The following SETBP1 variants were observed in gnomAD, a reference collection of about 807,000 sequenced individuals.
The protein encoded by SETBP1 is SET-binding protein.
A neutral mutation model predicts 101.0 loss-of-function variants in SETBP1; 9 were observed. The observed-to-expected ratio is 0.09, with a 90% confidence interval of 0.05 to 0.16. The LOEUF is 0.16. Ranked by LOEUF, SETBP1 falls within the 10% of genes least tolerant of loss-of-function variation. The probability of loss-of-function intolerance (pLI) is 1.00; values close to 1 mark genes in which losing one functional copy is unlikely to be tolerated. For missense variants in SETBP1, 1,858 were observed against 2,033.8 expected, an observed-to-expected ratio of 0.91 and a Z score of 1.66; for synonymous variants, 818 against 788.5, an observed-to-expected ratio of 1.04 and a Z score of -0.63.
At position 44,861,308 on chromosome 18, in the gene SETBP1, G is replaced by A. The variant is rs147504798; in HGVS notation, c.487-7922G>A. Among the ~76,000 whole-genome samples the A allele has an allele frequency of 7.4e-3, 1,021 of 138,544 alleles. 12 individuals are homozygous for A. The highest frequency in any genetic ancestry group is 0.025 in the African/African-American group (937 of 37,092). The allele number at this position is 138,544 out of a possible 152,430, so 90.9% of individuals were successfully genotyped here. A position where few individuals can be genotyped will look rare whatever the true frequency, so the allele number is the denominator to read the frequency against. ...GGCTGGAGTGCAGTGGCGTGATCTC[G>A]GCTCACTGCAACCTCCGCCTCTCAA... On this transcript the variant is annotated intron_variant, in intron 2 of 5. Coordinates refer to ENST00000649279, the MANE Select transcript of SETBP1 (RefSeq NM_015559.3).
In SETBP1 at chr18:44,993,157, A is replaced by G. The variant is rs2072415838; in HGVS notation, c.4000+39817A>G. Reference sequence around the variant, plus strand: ...ACGAAGAATAAAAATAAACTTCTTTATCCTAATAAGAGATATCAAGAAAAA... The same window carrying G: ...ACGAAGAATAAAAATAAACTTCTTTGTCCTAATAAGAGATATCAAGAAAAA... On this transcript the variant is annotated intron_variant, in intron 4 of 5. Coordinates refer to ENST00000649279, the MANE Select transcript of SETBP1 (RefSeq NM_015559.3). 2.0e-5 allele frequency among the ~76,000 whole-genome samples: 3 copies of G among 152,148 alleles called. No individual in the cohort carries two copies. The South Asian group carries it at 6.2e-4, about 32-fold the overall frequency.
At chr18:45,053,123 G>T (rs556418342) in intron 5 of SETBP1, among the ~76,000 whole-genome samples, 1 of 151,230 alleles carries the variant, frequency 6.6e-6, no homozygotes, top group South Asian at 2.1e-4. Flanking sequence ...GTAGAATGTT[G>T]TTGGGGGAAA....
At chr18:44,816,175 A>G (rs1172538820) in intron 2 of SETBP1, among the ~76,000 whole-genome samples, 1 of 152,136 alleles carries the variant, frequency 6.6e-6, no homozygotes, top group Non-Finnish European at 1.5e-5. Context: ...TGGGGAAGGG[A>G]ACAGCAGCTT....
intron 4 of SETBP1, among the ~76,000 whole-genome samples, chr18:45,020,259 A>T (rs2073030280): frequency 2.9e-5 from 1 of 34,338 alleles, no homozygotes; most frequent in Non-Finnish European, 4.7e-5. Flanking sequence ...ACTCTGTCTT[A>T]AAAAAAAAAA....
chr18:44,894,988 C>A (rs1175883559), intron 3 of SETBP1, among the ~76,000 whole-genome samples: 1 of 148,400 alleles, frequency 6.7e-6, no homozygotes, highest in Non-Finnish European at 1.5e-5. Flanking sequence ...GTCACATGTG[C>A]CTGTAGTCCC....
chr18:44,899,575 G>T (rs1176308982), intron 3 of SETBP1, among the ~76,000 whole-genome samples: 1 of 152,150 alleles, frequency 6.6e-6, no homozygotes, highest in Non-Finnish European at 1.5e-5. Flanking sequence ...GGCATTCCAC[G>T]CTGGCAGTAA....
At chr18:44,968,215 T>C (rs2071762678) in intron 4 of SETBP1, among the ~76,000 whole-genome samples, 1 of 152,100 alleles carries the variant, frequency 6.6e-6, no homozygotes, top group Non-Finnish European at 1.5e-5. Context: ...ATGTATAGTG[T>C]TCTTTGAGAA....
chr18:44,735,498 CA>C (rs2069944962), intron 2 of SETBP1, among the ~76,000 whole-genome samples: 1 of 152,120 alleles, frequency 6.6e-6, no homozygotes, highest in Non-Finnish European at 1.5e-5. Context: ...TACATTTTAG[CA>C]AATAAAAGTT....
chr18:44,742,159 A>T (rs1373063854), intron 2 of SETBP1, among the ~76,000 whole-genome samples: 3 of 152,222 alleles, frequency 2.0e-5, no homozygotes, highest in Non-Finnish European at 4.4e-5. Flanking sequence ...GAAGACTGAA[A>T]CATCTTGGGG....
intron 4 of SETBP1, chr18:44,986,708 A>C (rs11874222): frequency 0.3 from 45,487 of 151,382 alleles, 7,838 homozygotes; most frequent in East Asian, 0.54. Context: ...TCAAGATCAT[A>C]AATATCACCA....
chr18:44,680,181 G>T (rs1226676689), upstream of SETBP1: 1 of 143,836 alleles, frequency 7.0e-6, no homozygotes, highest in South Asian at 2.1e-4. Flanking sequence ...GGAAGCGCGG[G>T]GCCGGCCGGG....
intron 3 of SETBP1, among the ~76,000 whole-genome samples, chr18:44,899,373 G>A (rs2069984194): frequency 1.3e-5 from 2 of 152,154 alleles, no homozygotes; most frequent in Admixed American, 1.3e-4. Context: ...ATCATAACCG[G>A]GGATTGCAAG....
intron 3 of SETBP1, among the ~76,000 whole-genome samples, chr18:44,930,344 T>C (rs2070801095): frequency 6.6e-6 from 1 of 152,200 alleles, no homozygotes; most frequent in South Asian, 2.1e-4. Context: ...TTGCCAGTAT[T>C]TTTTTGAGGA....
intron 2 of SETBP1, among the ~76,000 whole-genome samples, chr18:44,812,046 A>T (rs1175754425): frequency 6.6e-6 from 1 of 152,170 alleles, no homozygotes; most frequent in East Asian, 1.9e-4. Flanking sequence ...CCCCATCAAC[A>T]TACCCAGGGC....
chr18:44,979,276 AT>A (rs1194763300), intron 4 of SETBP1, among the ~76,000 whole-genome samples: 1 of 152,172 alleles, frequency 6.6e-6, no homozygotes, highest in African/African-American at 2.4e-5. Context: ...TTAAAACTGT[AT>A]TCCTGGAAGC....
At chr18:44,833,120 GC>G (rs2072412831) in intron 2 of SETBP1, among the ~76,000 whole-genome samples, 3 of 152,230 alleles carry the variant, frequency 2.0e-5, no homozygotes, top group African/African-American at 7.2e-5. Context: ...TAAGCCAAGT[GC>G]CTAGGCTAGC....
chr18:44,941,423 T>C (rs566697529), intron 3 of SETBP1, among the ~76,000 whole-genome samples: 19 of 152,246 alleles, frequency 1.2e-4, no homozygotes, highest in Non-Finnish European at 2.5e-4. Context: ...CTCTGATGGC[T>C]TTTGAATTTT....
chr18:45,029,154 G>T (rs1419903667), intron 4 of SETBP1, among the ~76,000 whole-genome samples: 2 of 152,036 alleles, frequency 1.3e-5, no homozygotes, highest in Non-Finnish European at 2.9e-5. Flanking sequence ...GGTCTAACAT[G>T]TAAGTCTTTA....
At chr18:44,818,197 T>G (rs1206606601) in intron 2 of SETBP1, among the ~76,000 whole-genome samples, 1 of 152,214 alleles carries the variant, frequency 6.6e-6, no homozygotes, top group Admixed American at 6.5e-5. Flanking sequence ...TGTGCTGCCT[T>G]TTGAGAAGCA....
Sources: gnomAD v4.1 joint callset for allele counts (sites outside exome capture counted in the v4.1 genomes callset) on GRCh38, gnomAD v4.1.1 for gene constraint, MANE v1.5 for transcripts, NCBI Gene and HGNC (gene_info 2026-07-23, HGNC 2026-07-21) for gene names.